The following TSNARE1 variants were observed in gnomAD, a reference collection of about 807,000 sequenced individuals.
The protein encoded by TSNARE1 is t-SNARE domain-containing protein 1.
Under a neutral mutation model 62.0 loss-of-function variants are expected in TSNARE1, and 49 were observed. The observed-to-expected ratio is 0.79, with a 90% CI of 0.63 to 1.00. TSNARE1 has a LOEUF of 1.00. Ranked by LOEUF, TSNARE1 falls within the 50% of genes least tolerant of loss-of-function variation. TSNARE1 has a pLI of 0.00. For missense variants in TSNARE1, 755 were observed against 700.1 expected, an observed-to-expected ratio of 1.08 and a Z score of -0.88; for synonymous variants, 328 against 294.4, an observed-to-expected ratio of 1.11 and a Z score of -1.17.
At chr8:142,403,080 C>A (rs1838424506) in intron 1 of TSNARE1, 24 bp downstream of exon 1, 1 of 148,708 alleles carries the variant, frequency 6.7e-6, no homozygotes, top group South Asian at 1.8e-4. Context: ...CGGCCAGGCC[C>A]CAGCCCCACC....
At chr8:142,264,402 C>G (rs1345615349) in intron 12 of TSNARE1, among the ~76,000 whole-genome samples, 1 of 152,170 alleles carries the variant, frequency 6.6e-6, no homozygotes, top group Non-Finnish European at 1.5e-5. Context: ...AAAATGAGTG[C>G]CCTCTATTTG....
chr8:142,346,756 G>A (rs527819614), intron 2 of TSNARE1, among the ~76,000 whole-genome samples: 1 of 152,308 alleles, frequency 6.6e-6, no homozygotes, highest in South Asian at 2.1e-4. Flanking sequence ...TGGGTCCCAG[G>A]GCTGCATCCT....
At chr8:142,223,167 CACTCAA>C (rs1816540457) in intron 13 of TSNARE1, among the ~76,000 whole-genome samples, 2 of 101,124 alleles carry the variant, frequency 2.0e-5, no homozygotes, top group African/African-American at 4.8e-5. Flanking sequence ...TTCACTCACT[CACTCAA>C]GTATTCACTC....
rs1837472835 is a variant in TSNARE1, at chr8:142,390,962, C to T, written c.-40+12142G>A. Among the ~76,000 whole-genome samples, 6 of 140,116 alleles carry T rather than the reference C, an allele frequency of 4.3e-5. No homozygotes were observed. The South Asian group carries it at 9.9e-4, about 23-fold the overall frequency. 91.9% of individuals were successfully genotyped at this position (140,116 alleles called of 152,430 possible). ...ACACTGCAGGGGACTCTATAGCAGA[C>T]GCTGTACACTGCTGGGGACTCTATA... On this transcript the variant is annotated intron_variant, in intron 1 of 13. Transcript: ENST00000524325.
intron 12 of TSNARE1, among the ~76,000 whole-genome samples, chr8:142,240,066 G>A (rs979688882): frequency 2.6e-5 from 4 of 152,136 alleles, no homozygotes; most frequent in African/African-American, 9.6e-5. Flanking sequence ...TTGACACATG[G>A]GATTTTTTTA....
chr8:142,350,108 GGGCAGGCAA>G (rs1331406113), intron 2 of TSNARE1, among the ~76,000 whole-genome samples: 2 of 96,822 alleles, frequency 2.1e-5, no homozygotes, highest in African/African-American at 5.5e-5. Context: ...AGGGCAGGCA[GGGCAGGCAA>G]GGCTGGGACC....
rs1828299607 is a variant in TSNARE1, at chr8:142,315,031, G to A, written c.1046C>T (p.Ala349Val). The change falls in exon 8 of 14, where the codon GCC becomes GTC. Residue 349 changes from alanine to valine, a missense_variant. By Grantham distance (64) the Ala-to-Val change is moderately conservative. Transcript: ENST00000524325. ...LDRLKTQLSDAIQCYGVVQKK... is the reference protein window; with the variant it reads ...LDRLKTQLSDVIQCYGVVQKK... Reference sequence around the variant, plus strand: ...CTGCACCACTCCATAGCACTGAATGGCATCTGAGAGCTGGGTTTTCAGCCG... The same window carrying A: ...CTGCACCACTCCATAGCACTGAATGACATCTGAGAGCTGGGTTTTCAGCCG... 6.2e-7 allele frequency: 1 copy of A among 1,614,002 alleles called. No individual in the cohort carries two copies. Among genetic ancestry groups the A allele is most frequent in the African/African-American group, 1.3e-5 (1 of 74,900 alleles).
At chr8:142,229,188 T>C (rs1042514205) in intron 13 of TSNARE1, among the ~76,000 whole-genome samples, 2 of 148,850 alleles carry the variant, frequency 1.3e-5, no homozygotes, top group East Asian at 4.0e-4. Flanking sequence ...GATGGACAGA[T>C]GGTGAATGGG....
At chr8:142,245,724 T>C (rs1303194526) in intron 12 of TSNARE1, among the ~76,000 whole-genome samples, 1 of 152,086 alleles carries the variant, frequency 6.6e-6, no homozygotes, top group Non-Finnish European at 1.5e-5. Context: ...GACACGCAAT[T>C]TGGGGACAAG....
intron 13 of TSNARE1, among the ~76,000 whole-genome samples, chr8:142,222,663 C>T (rs1158269889): frequency 2.2e-5 from 3 of 137,180 alleles, no homozygotes; most frequent in East Asian, 2.2e-4. Context: ...CACTCATTCA[C>T]TCACTCACTC....
chr8:142,269,626 G>C (rs898429004), intron 12 of TSNARE1: 1 of 985,284 alleles, frequency 1.0e-6, no homozygotes, highest in Non-Finnish European at 1.2e-6. Flanking sequence ...ACTGTGCCCA[G>C]GCCATGGTGG....
chr8:142,245,404 C>T (rs557691154), intron 12 of TSNARE1, among the ~76,000 whole-genome samples: 44 of 152,200 alleles, frequency 2.9e-4, no homozygotes, highest in Non-Finnish European at 4.9e-4. Flanking sequence ...CCAAAAACTG[C>T]AAACACTCTA....
At chr8:142,217,535 G>T (rs1815940459) in intron 13 of TSNARE1, among the ~76,000 whole-genome samples, 1 of 152,204 alleles carries the variant, frequency 6.6e-6, no homozygotes, top group Non-Finnish European at 1.5e-5. Context: ...ATGGGCAGGG[G>T]TGAGCCCTTG....
intron 12 of TSNARE1, chr8:142,274,119 C>A: frequency 3.0e-6 from 3 of 985,424 alleles, no homozygotes; most frequent in Non-Finnish European, 3.6e-6. Flanking sequence ...CCTGGGACTC[C>A]TTGAGGAACA....
chr8:142,359,857 C>T (rs1383677383), intron 1 of TSNARE1, among the ~76,000 whole-genome samples: 1 of 152,212 alleles, frequency 6.6e-6, no homozygotes, highest in Admixed American at 6.5e-5. Context: ...CCACAGCATG[C>T]CACTCCTGTC....
intron 4 of TSNARE1, among the ~76,000 whole-genome samples, chr8:142,341,286 C>A (rs1832552529): frequency 6.6e-6 from 1 of 152,160 alleles, no homozygotes; most frequent in African/African-American, 2.4e-5. Context: ...CCAGGCCTGG[C>A]CAGGCAGTCT....
chr8:142,278,391 C>A (rs1405538971), intron 11 of TSNARE1: 1 of 985,374 alleles, frequency 1.0e-6, no homozygotes, highest in East Asian at 1.1e-4. Context: ...CTGGGTCCTT[C>A]TGTCCACTCT....
intron 10 of TSNARE1, among the ~76,000 whole-genome samples, chr8:142,286,288 C>T (rs1742303674): frequency 6.6e-6 from 1 of 152,216 alleles, no homozygotes; most frequent in South Asian, 2.1e-4. Context: ...CAGTCAGCAG[C>T]TCATTCCAGA....
chr8:142,247,604 G>A (rs1200033645), intron 12 of TSNARE1: 1 of 152,210 alleles, frequency 6.6e-6, no homozygotes, highest in Non-Finnish European at 1.5e-5. Flanking sequence ...ATCTCACTGT[G>A]TTGCCCAGGC....
Sources: gnomAD v4.1 joint callset for allele counts (sites outside exome capture counted in the v4.1 genomes callset) on GRCh38, gnomAD v4.1.1 for gene constraint, MANE v1.5 for transcripts, NCBI Gene and HGNC (gene_info 2026-07-23, HGNC 2026-07-21) for gene names.